The following RASD2 variants were observed in gnomAD, a reference collection of about 807,000 sequenced individuals.
RASD2 encodes the protein RASD family member 2.
A neutral mutation model predicts 15.8 loss-of-function variants in RASD2; 7 were observed. The observed-to-expected ratio is 0.44, with a 90% CI of 0.25 to 0.83. RASD2 has a LOEUF of 0.83. Ranked by LOEUF, RASD2 falls within the 40% of genes least tolerant of loss-of-function variation. The pLI is 0.20. For missense variants in RASD2, 274 were observed against 382.8 expected (o/e 0.72, Z 2.37); for synonymous variants, 155 against 153.6 (o/e 1.01, Z -0.07).
At chr22:35,541,749 G>T (rs372637457) in intron 1 of RASD2, among the ~76,000 whole-genome samples, 1 of 152,328 alleles carries the variant, frequency 6.6e-6, no homozygotes, top group East Asian at 1.9e-4. Context: ...AGGAAAGAAA[G>T]ATTTATTGAG....
intron 1 of RASD2, among the ~76,000 whole-genome samples, chr22:35,545,606 C>T (rs1934479563): frequency 6.6e-6 from 1 of 152,116 alleles, no homozygotes; most frequent in Admixed American, 6.5e-5. Context: ...AGTTCAGGGG[C>T]TGGAAAGCTC....
At position 35,546,960 on chromosome 22, in the gene RASD2, A is replaced by T. The variant is rs763643193; in HGVS notation, c.151A>T (p.Thr51Ser). ...CCGCTTTGAGGACCAGTACACACCCACCATCGAGGACTTCCACCGTAAGGT... is the reference window on the plus strand; with the variant it reads ...CCGCTTTGAGGACCAGTACACACCCTCCATCGAGGACTTCCACCGTAAGGT... Reference protein sequence around the residue: ...NGRFEDQYTPTIEDFHRKVYN... With the variant: ...NGRFEDQYTPSIEDFHRKVYN... Residue 51 changes from threonine (T) to serine (S), a missense_variant, in exon 2 of 3, where the codon ACC becomes TCC. Thr to Ser is a moderately conservative substitution (Grantham distance 58, BLOSUM62 1). Transcript: ENST00000216127. The T allele has an allele frequency of 6.2e-7, 1 of 1,613,774 alleles. No homozygotes were observed. Among genetic ancestry groups the T allele is most frequent in the East Asian group, 2.2e-5 (1 of 44,866 alleles).
rs146344767 is a variant in RASD2 at position 35,551,696 on chromosome 22, G to A, written c.465G>A (p.Glu155=). 1.9e-4 allele frequency: 313 copies of A among 1,613,864 alleles called. 1 individual carries two copies. The Middle Eastern group carries it at 2.0e-3, about 10-fold the overall frequency. Residue 155 remains glutamate, a synonymous_variant, in exon 3 of 3, where the codon GAG becomes GAA. Coordinates refer to ENST00000216127, the MANE Select transcript of RASD2 (RefSeq NM_014310.4). The surrounding 1 kb of genome is among the most constrained non-coding windows in gnomAD (Gnocchi z 4.9). The part of the protein sequence containing the change: ...GELCRQVPTT[E]AELLVSGDEN... ...TGTGCCGCCAGGTGCCCACCACCGA[G>A]GCCGAGCTGCTGGTGTCGGGCGACG...
In RASD2 at chr22:35,546,384, C is replaced by T. The variant is rs140388910; in HGVS notation, c.-9-417C>T. ...CCAGATGGATGAACCAGGGAAAGAA[C>T]GGATTCTCACCATAGATACCATTTT... On this transcript the variant is annotated intron_variant, in intron 1 of 2. Coordinates refer to ENST00000216127, the MANE Select transcript of RASD2 (RefSeq NM_014310.4). 4.7e-4 allele frequency among the ~76,000 whole-genome samples: 71 copies of T among 152,266 alleles called. 1 individual carries two copies. The highest frequency in any genetic ancestry group is 5.0e-4 in the Non-Finnish European group (34 of 68,012).
chr22:35,542,911 G>T (rs1934390646), intron 1 of RASD2, among the ~76,000 whole-genome samples: 1 of 152,228 alleles, frequency 6.6e-6, no homozygotes, highest in African/African-American at 2.4e-5. Flanking sequence ...TGCAGGGAGA[G>T]AGGGAGTGAG....
intron 1 of RASD2, 54 bp from the exon 2 acceptor site, chr22:35,546,747 T>C: frequency 1.3e-6 from 2 of 1,571,482 alleles, no homozygotes; most frequent in Non-Finnish European, 1.7e-6. Context: ...GGCCAAGAGG[T>C]GGTGGGGCCA....
At chr22:35,542,929 T>A (rs1412131611) in intron 1 of RASD2, among the ~76,000 whole-genome samples, 1 of 152,134 alleles carries the variant, frequency 6.6e-6, no homozygotes, top group Non-Finnish European at 1.5e-5. Context: ...GAGAATATAG[T>A]ATGTCTCGGC....
chr22:35,538,865 G>A (rs992064206), upstream of RASD2, among the ~76,000 whole-genome samples: 1 of 152,190 alleles, frequency 6.6e-6, no homozygotes, highest in Non-Finnish European at 1.5e-5. Context: ...CCAGCTCAAG[G>A]CTCACAGCCT....
At chr22:35,550,261 C>T (rs975965555) in intron 2 of RASD2, among the ~76,000 whole-genome samples, 7 of 150,130 alleles carry the variant, frequency 4.7e-5, no homozygotes, top group Admixed American at 4.7e-4. Flanking sequence ...GAAACTCTGT[C>T]TCAGAAAATA....
upstream of RASD2, among the ~76,000 whole-genome samples, chr22:35,538,993 G>T (rs945362168): frequency 6.6e-5 from 10 of 152,198 alleles, no homozygotes; most frequent in Admixed American, 2.6e-4. Flanking sequence ...GTGACTTTGG[G>T]CACATCCCCT....
chr22:35,537,028 C>T (rs1258886773), upstream of RASD2, among the ~76,000 whole-genome samples: 1 of 152,192 alleles, frequency 6.6e-6, no homozygotes, highest in Non-Finnish European at 1.5e-5. Context: ...CTAGGTGATT[C>T]TAATGCGCCG....
In RASD2 at chr22:35,541,220, A is replaced by G. The variant is rs1352370648; in HGVS notation, c.-290A>G. The G allele has an allele frequency of 1.3e-5, 2 of 151,774 alleles. No individual in the cohort carries two copies. The highest frequency in any genetic ancestry group is 1.3e-4 in the Admixed American group (2 of 15,254). The allele number at this position is 151,774 out of a possible 1,614,324, so 9.4% of individuals were successfully genotyped here. A position where few individuals can be genotyped will look rare whatever the true frequency, so the allele number is the denominator to read the frequency against. On this transcript the variant is annotated 5_prime_UTR_variant, in exon 1 of 3. Coordinates refer to ENST00000216127, the MANE Select transcript of RASD2 (RefSeq NM_014310.4). ...CAGCAGGAGGCCCCCGGCTCGGGGC[A>G]GGGCAGGGCCGGCGGCGGCGAGCCG...
intron 1 of RASD2, 38 bp downstream of exon 1, chr22:35,541,538 A>G (rs1934348195): frequency 6.6e-6 from 1 of 152,234 alleles, no homozygotes; most frequent in Non-Finnish European, 1.5e-5. Context: ...ATCTGGGGGA[A>G]GTGGAGCAGC....
chr22:35,543,084 CT>C (rs1934395412), intron 1 of RASD2, among the ~76,000 whole-genome samples: 2 of 152,186 alleles, frequency 1.3e-5, no homozygotes, highest in African/African-American at 4.8e-5. Context: ...CCCAGCCCAG[CT>C]AGTCATCTGC....
chr22:35,540,230 G>A (rs1376054446), upstream of RASD2, among the ~76,000 whole-genome samples: 6 of 152,214 alleles, frequency 3.9e-5, no homozygotes, highest in Admixed American at 1.3e-4. Context: ...GACCCCATGC[G>A]GGTCACCTGC....
chr22:35,536,755 A>G (rs1424222611), upstream of RASD2, among the ~76,000 whole-genome samples: 1 of 152,184 alleles, frequency 6.6e-6, no homozygotes, highest in Non-Finnish European at 1.5e-5. Flanking sequence ...GGTTAAAACC[A>G]GGTGGCCTGG....
intron 1 of RASD2, among the ~76,000 whole-genome samples, 181 bp from the exon 2 acceptor site, chr22:35,546,620 G>A (rs549609597): frequency 1.3e-5 from 2 of 152,282 alleles, no homozygotes; most frequent in East Asian, 1.9e-4. Flanking sequence ...ATGAAGGAAG[G>A]AGTAAAGGAG....
At chr22:35,534,418 T>G in the RASD2 span, among the ~76,000 whole-genome samples, 6 of 152,220 alleles carry the variant, frequency 3.9e-5, no homozygotes, top group African/African-American at 1.2e-4. Context: ...CATCTACAAA[T>G]GACTCTAATA....
intron 1 of RASD2, among the ~76,000 whole-genome samples, chr22:35,545,643 C>T (rs115558070): frequency 0.017 from 2,533 of 152,194 alleles, 70 homozygotes; most frequent in African/African-American, 0.059. Context: ...GGGATTCCTG[C>T]AAGGGTGAGG....
Sources: allele counts gnomAD v4.1 joint callset (sites outside exome capture counted in the v4.1 genomes callset), GRCh38; gene constraint gnomAD v4.1.1; non-coding constraint Gnocchi (gnomAD v3.1); transcripts MANE v1.5; gene names NCBI Gene and HGNC (gene_info 2026-07-23, HGNC 2026-07-21).